The following FRMPD4 variants were observed in gnomAD, a reference collection of about 807,000 sequenced individuals.
FRMPD4 encodes the protein FERM and PDZ domain-containing protein 4.
A neutral mutation model predicts 94.1 loss-of-function variants in FRMPD4; 22 were observed. That is an observed-to-expected ratio of 0.23 (90% confidence interval 0.17 to 0.33). The LOEUF is 0.33. FRMPD4 is among the 10% of genes least tolerant of loss of function. The pLI is 1.00. For missense variants in FRMPD4, 1,111 were observed against 1,339.9 expected (o/e 0.83, Z 2.67); for synonymous variants, 631 against 548.6 (o/e 1.15, Z -2.10).
Position 12,138,744 on chromosome X carries a change from G to A in FRMPD4, c.-228G>A, listed in dbSNP as rs112042587. ...TCCATTGAGTTTTCCTGCCTCGGGT[G>A]CCTATCAATGGTCCTGCTCGGGGAT... is the stretch of plus-strand genomic sequence containing the variant. On this transcript the variant is annotated 5_prime_UTR_variant, in exon 1 of 17. Coordinates refer to ENST00000675598, the MANE Select transcript of FRMPD4 (RefSeq NM_001368397.1). 3.8e-3 allele frequency: 1,202 copies of A among 315,448 alleles called. 14 individuals carry two copies. The highest frequency in any genetic ancestry group is 0.029 in the African/African-American group (1,068 of 36,727). 26.0% of individuals were successfully genotyped at this position (315,448 alleles called of 1,213,427 possible). A position where few individuals can be genotyped will look rare whatever the true frequency, so the allele number is the denominator to read the frequency against.
chrX:12,051,917 C>T (rs749641221), intron 3 of FRMPD4, among the ~76,000 whole-genome samples: 3 of 111,585 alleles, frequency 2.7e-5, no homozygotes, highest in Non-Finnish European at 3.8e-5. Flanking sequence ...AGATATATTA[C>T]AAATGCTTCA....
At chrX:12,539,720 G>A (rs187643117) in intron 2 of FRMPD4, among the ~76,000 whole-genome samples, 1,158 of 109,733 alleles carry the variant, frequency 0.011, 11 homozygotes, top group African/African-American at 0.037. Context: ...CGCAACCTCC[G>A]CCTCCCAGGT....
At chrX:12,282,873 C>T (rs1371814138) in intron 1 of FRMPD4, among the ~76,000 whole-genome samples, 2 of 110,141 alleles carry the variant, frequency 1.8e-5, no homozygotes, top group Non-Finnish European at 3.8e-5. Context: ...CCAGAAATTT[C>T]CAGAAAGGTC....
chrX:12,595,100 C>G (rs1458662239), intron 2 of FRMPD4, among the ~76,000 whole-genome samples: 1 of 111,945 alleles, frequency 8.9e-6, no homozygotes, highest in Non-Finnish European at 1.9e-5. Flanking sequence ...TTCTCCAGGG[C>G]CTAGCACAGT....
At chrX:12,442,877 T>C (rs1473475001) in intron 1 of FRMPD4, among the ~76,000 whole-genome samples, 1 of 112,095 alleles carries the variant, frequency 8.9e-6, no homozygotes, top group Non-Finnish European at 1.9e-5. Flanking sequence ...GATGTATCCA[T>C]ACAATGGAAT....
At chrX:11,986,196 G>C (rs2054428517) in intron 3 of FRMPD4, among the ~76,000 whole-genome samples, 1 of 112,658 alleles carries the variant, frequency 8.9e-6, no homozygotes, top group African/African-American at 3.2e-5. Flanking sequence ...GCTCAGCACA[G>C]AGAGAGAAAC....
At chrX:12,679,820 T>C (rs185956756) in intron 5 of FRMPD4, among the ~76,000 whole-genome samples, 2 of 111,579 alleles carry the variant, frequency 1.8e-5, no homozygotes, top group Admixed American at 9.5e-5. Context: ...AATGGTGCCT[T>C]AGTAACAGCG....
At chrX:11,988,574 C>A (rs2054446191) in intron 3 of FRMPD4, among the ~76,000 whole-genome samples, 1 of 110,648 alleles carries the variant, frequency 9.0e-6, no homozygotes, top group African/African-American at 3.3e-5. Context: ...CAAGCACAGG[C>A]AACAACCAAA....
chrX:12,178,401 G>A lies in FRMPD4; in HGVS notation c.41+39389G>A, dbSNP rs771968670. 1.7e-4 allele frequency among the ~76,000 whole-genome samples: 19 copies of A among 111,893 alleles called. No homozygotes were observed. The South Asian group carries it at 6.0e-3, about 35-fold the overall frequency. On this transcript the variant is annotated intron_variant, in intron 1 of 16. Transcript: ENST00000675598. ...TTAGGTGTTCTTGCCCAGCATTCAG[G>A]TCATTGCTACTCTAGTCTGCATGAT...
Position 12,142,753 on chromosome X carries a change from G to A in FRMPD4, c.41+3741G>A, listed in dbSNP as rs141953418. 3.0e-3 allele frequency among the ~76,000 whole-genome samples: 340 copies of A among 111,782 alleles called. 1 individual carries two copies. The highest frequency in any genetic ancestry group is 9.2e-3 in the Middle Eastern group (2 of 217). ...TCGCTCGCAGTTCTGGGAAGAAGGC[G>A]TCTAGGTCAGGCTTTGTACCATTTC... On this transcript the variant is annotated intron_variant, in intron 1 of 16. Coordinates refer to ENST00000675598, the MANE Select transcript of FRMPD4 (RefSeq NM_001368397.1).
intron 1 of FRMPD4, among the ~76,000 whole-genome samples, chrX:12,338,078 A>C (rs1034765138): frequency 1.8e-5 from 2 of 112,127 alleles, no homozygotes; most frequent in Non-Finnish European, 3.8e-5. Flanking sequence ...ATGGTGGAGT[A>C]TGAAGGGGAG....
chrX:12,465,920 A>T (rs1335861461), intron 1 of FRMPD4, among the ~76,000 whole-genome samples: 7 of 111,775 alleles, frequency 6.3e-5, no homozygotes, highest in African/African-American at 2.3e-4. Flanking sequence ...TTGCTGTTAG[A>T]CTGGAACCCT....
intron 1 of FRMPD4, among the ~76,000 whole-genome samples, chrX:12,449,491 A>G (rs895399752): frequency 8.9e-6 from 1 of 112,358 alleles, no homozygotes; most frequent in Non-Finnish European, 1.9e-5. Flanking sequence ...TTAGCCAGAA[A>G]AATTTTTCTT....
chrX:11,914,781 G>A (rs1338502197), intron 3 of FRMPD4, among the ~76,000 whole-genome samples: 1 of 112,140 alleles, frequency 8.9e-6, no homozygotes, highest in Non-Finnish European at 1.9e-5. Context: ...AATTATTTCT[G>A]TGGATATTAT....
intron 4 of FRMPD4, among the ~76,000 whole-genome samples, chrX:12,652,784 C>A (rs2059608690): frequency 9.0e-6 from 1 of 111,628 alleles, no homozygotes; most frequent in African/African-American, 3.3e-5. Flanking sequence ...CAGAAGGCTG[C>A]ACAAGGCAAT....
chrX:12,106,644 C>T (rs940562596), intron 3 of FRMPD4, among the ~76,000 whole-genome samples: 2 of 111,794 alleles, frequency 1.8e-5, no homozygotes, highest in African/African-American at 6.5e-5. Context: ...AGGGAATTCC[C>T]TTTCCTAGCC....
intron 3 of FRMPD4, among the ~76,000 whole-genome samples, chrX:12,031,845 T>C (rs2054693915): frequency 8.9e-6 from 1 of 112,041 alleles, no homozygotes; most frequent in Admixed American, 9.5e-5. Context: ...AGATAAGTTG[T>C]CTTCCATCAG....
At chrX:12,452,159 T>TA (rs1290775930) in intron 1 of FRMPD4, among the ~76,000 whole-genome samples, 5 of 111,364 alleles carry the variant, frequency 4.5e-5, no homozygotes, top group African/African-American at 1.6e-4. Flanking sequence ...TGACTCTGAC[T>TA]AAAAAAAGCT....
In FRMPD4 at chrX:12,722,935, C is replaced by G. The variant is rs2042267077; in HGVS notation, c.*1077C>G. The G allele has an allele frequency of 9.0e-6, 1 of 111,693 alleles. No individual in the cohort carries two copies. The highest frequency in any genetic ancestry group is 3.3e-5 in the African/African-American group (1 of 30,691). The allele number at this position is 111,693 out of a possible 1,213,427, so 9.2% of individuals were successfully genotyped here. A position where few individuals can be genotyped will look rare whatever the true frequency, so the allele number is the denominator to read the frequency against. Reference sequence around the variant, plus strand: ...CATAGGGCTTCATGCATCACCGCCTCTACAGAGGCTAAGGCTGCCAGTCAA... The same window carrying G: ...CATAGGGCTTCATGCATCACCGCCTGTACAGAGGCTAAGGCTGCCAGTCAA... On this transcript the variant is annotated 3_prime_UTR_variant, in exon 17 of 17. Transcript: ENST00000675598.
Sources: allele counts gnomAD v4.1 joint callset (sites outside exome capture counted in the v4.1 genomes callset), GRCh38; gene constraint gnomAD v4.1.1; transcripts MANE v1.5; gene names NCBI Gene and HGNC (gene_info 2026-07-23, HGNC 2026-07-21).